Variants in SHC3 observed in about 807,000 individuals in gnomAD.
The protein encoded by SHC3 is SHC-transforming protein 3.
In SHC3, 15 loss-of-function variants were observed where a neutral mutation model predicts 60.4. That is an observed-to-expected ratio of 0.25 (90% CI 0.17 to 0.38). The LOEUF (loss-of-function observed/expected upper bound fraction) is 0.38. Among genes scored for constraint, SHC3 ranks in the 10% least tolerant of loss-of-function variants. The pLI is 1.00. For synonymous variants in SHC3, 294 were observed against 325.9 expected (o/e 0.90, Z 1.05); for missense variants, 677 against 786.1 (o/e 0.86, Z 1.66).
chr9:89,071,824 A>G (rs1253404024), intron 4 of SHC3, among the ~76,000 whole-genome samples: 1 of 152,324 alleles, frequency 6.6e-6, no homozygotes, highest in East Asian at 1.9e-4. Flanking sequence ...AGCCTTCTTA[A>G]CAGACACCGT....
chr9:89,106,814 G>C (rs1825866641), intron 2 of SHC3, among the ~76,000 whole-genome samples: 1 of 152,146 alleles, frequency 6.6e-6, no homozygotes, highest in South Asian at 2.1e-4. Flanking sequence ...CTTCACCACA[G>C]CTGGATCAGA....
At chr9:89,049,090 T>A (rs182862644) in intron 7 of SHC3, among the ~76,000 whole-genome samples, 1 of 152,048 alleles carries the variant, frequency 6.6e-6, no homozygotes, top group African/African-American at 2.4e-5. Flanking sequence ...TGAAATCCCA[T>A]CTCTACTAAA....
chr9:89,173,157 C>T (rs779375979), intron 1 of SHC3, among the ~76,000 whole-genome samples: 1 of 152,366 alleles, frequency 6.6e-6, no homozygotes, highest in East Asian at 1.9e-4. Context: ...ACTGCTCTAG[C>T]CCCACACTAA....
At chr9:89,108,694 C>T (rs756758283) in intron 2 of SHC3, among the ~76,000 whole-genome samples, 1 of 152,124 alleles carries the variant, frequency 6.6e-6, no homozygotes, top group Non-Finnish European at 1.5e-5. Flanking sequence ...GATTTCTTTA[C>T]CCTGCACCAG....
chr9:89,138,826 G>T (rs1826354364), intron 1 of SHC3, among the ~76,000 whole-genome samples: 1 of 150,556 alleles, frequency 6.6e-6, no homozygotes, highest in Non-Finnish European at 1.5e-5. Context: ...TGCCTATTAG[G>T]GTCTCTTATA....
chr9:89,046,965 T>A lies in SHC3; in HGVS notation c.992A>T (p.Glu331Val). 3.7e-6 allele frequency: 6 copies of A among 1,609,032 alleles called. No homozygotes were observed. The South Asian group carries it at 6.7e-5, about 18-fold the overall frequency. ...RMQSLDEPWT[E>V]EEGDGSDHPY... Reference sequence around the variant, plus strand: ...GTGGTCTGAGCCATCTCCCTCCTCTTCCGTCCATGGCTCATCCAGACTCTG... The same window carrying A: ...GTGGTCTGAGCCATCTCCCTCCTCTACCGTCCATGGCTCATCCAGACTCTG... The change falls in exon 8 of 12, where the codon GAA becomes GTA. Residue 331 changes from glutamate (E) to valine (V), a missense_variant. By Grantham distance (121) the Glu-to-Val change is moderately radical. Coordinates refer to ENST00000375835, the MANE Select transcript of SHC3 (RefSeq NM_016848.6).
chr9:89,060,094 G>A (rs1296118708), intron 6 of SHC3, among the ~76,000 whole-genome samples: 1 of 148,494 alleles, frequency 6.7e-6, no homozygotes, highest in Non-Finnish European at 1.5e-5. Flanking sequence ...GGTGTTAGGA[G>A]GTGGTGGAGG....
At chr9:89,059,471 G>T (rs1825029156) in intron 6 of SHC3, among the ~76,000 whole-genome samples, 1 of 149,416 alleles carries the variant, frequency 6.7e-6, no homozygotes, top group East Asian at 2.0e-4. Context: ...GGAGGACATG[G>T]TGGGGGGCGG....
At chr9:89,040,068 A>G (rs997614618) in intron 10 of SHC3, among the ~76,000 whole-genome samples, 6 of 147,172 alleles carry the variant, frequency 4.1e-5, no homozygotes, top group Non-Finnish European at 7.5e-5. Context: ...CATCACCACC[A>G]CCACCTTTGC....
chr9:89,127,174 G>C (rs891178309), intron 1 of SHC3, among the ~76,000 whole-genome samples: 2 of 152,142 alleles, frequency 1.3e-5, no homozygotes, highest in African/African-American at 4.8e-5. Context: ...TAAGAAATGA[G>C]TCCTTTCTGG....
intron 1 of SHC3, among the ~76,000 whole-genome samples, chr9:89,148,727 CA>C (rs1361370060): frequency 3.3e-5 from 5 of 152,118 alleles, no homozygotes; most frequent in Non-Finnish European, 5.9e-5. Flanking sequence ...ACAATTACAC[CA>C]TTCAACATTG....
At position 89,013,569 on chromosome 9, in the gene SHC3, T is replaced by C. The variant is rs1272791201; in HGVS notation, c.1663A>G (p.Thr555Ala). Residue 555 changes from threonine (T) to alanine (A), a missense_variant, in exon 12 of 12, where the codon ACA becomes GCA. Physicochemically the swap from Thr to Ala is moderately conservative, Grantham distance 58. Transcript: ENST00000375835. ...LLVDPEGTIR[T>A]KDRVFDSISH... The stretch of plus-strand genomic sequence containing the variant: ...ATACTGTCAAAGACTCTGTCCTTTG[T>C]CCGGATCTATGAATGAAGCAAAGGA... 1.9e-6 allele frequency: 3 copies of C among 1,611,230 alleles called. No homozygotes were observed. The East Asian group carries it at 6.7e-5, about 36-fold the overall frequency.
At chr9:89,058,037 T>A (rs1170423998) in intron 6 of SHC3, among the ~76,000 whole-genome samples, 1 of 151,768 alleles carries the variant, frequency 6.6e-6, no homozygotes, top group African/African-American at 2.4e-5. Context: ...CTGGAAGGAG[T>A]CTCCCCTAGA....
intron 2 of SHC3, among the ~76,000 whole-genome samples, chr9:89,092,739 G>GGTGTGTGT (rs150979999): frequency 8.0e-5 from 12 of 149,190 alleles, no homozygotes; most frequent in Middle Eastern, 3.5e-3. Flanking sequence ...AAAGAAGGAA[G>GGTGTGTGT]GTGTGTGTGT....
chr9:89,143,546 A>T lies in SHC3; in HGVS notation c.475-30920T>A, dbSNP rs115100686. Among the ~76,000 whole-genome samples, 548 of 152,258 alleles carry T rather than the reference A, an allele frequency of 3.6e-3. 3 individuals are homozygous for T. The highest frequency in any genetic ancestry group is 0.012 in the African/African-American group (516 of 41,552). On this transcript the variant is annotated intron_variant, in intron 1 of 11. Coordinates refer to ENST00000375835, the MANE Select transcript of SHC3 (RefSeq NM_016848.6). ...AATGCCTCTGACACTTCCACCCAGG[A>T]GTTTCAGAAGGTGAAGGGAGTTGGG... is the stretch of plus-strand genomic sequence containing the variant.
At chr9:89,166,959 C>T (rs912544389) in intron 1 of SHC3, among the ~76,000 whole-genome samples, 1 of 151,936 alleles carries the variant, frequency 6.6e-6, no homozygotes, top group African/African-American at 2.4e-5. Context: ...GTAGACTCTA[C>T]CAGCTGAGCT....
At chr9:89,039,286 T>C (rs1398851798) in intron 10 of SHC3, among the ~76,000 whole-genome samples, 1 of 152,228 alleles carries the variant, frequency 6.6e-6, no homozygotes, top group African/African-American at 2.4e-5. Context: ...CAACAGATGC[T>C]GTAAAATAAG....
rs1825016874 is a variant in SHC3 at position 89,059,176 on chromosome 9, TAGGACATGGTGG to T, written c.835+6341_835+6352del. ...AGGATGGTGGTGGAGGACCGTGGTGTAGGACATGGTGGAGGACAGTGGTGGAGGACGGTGGTG... is the reference window on the plus strand; with the variant it reads ...AGGATGGTGGTGGAGGACCGTGGTGTAGGACAGTGGTGGAGGACGGTGGTG... On this transcript the variant is annotated intron_variant, in intron 6 of 11. Transcript: ENST00000375835. 9.0e-5 allele frequency among the ~76,000 whole-genome samples: 4 copies of T among 44,420 alleles called. No individual in the cohort carries two copies. In the South Asian group the frequency reaches 2.8e-3, roughly 31 times the overall value. The allele number at this position is 44,420 out of a possible 152,430, so 29.1% of individuals were successfully genotyped here. A position where few individuals can be genotyped will look rare whatever the true frequency, so the allele number is the denominator to read the frequency against.
intron 1 of SHC3, among the ~76,000 whole-genome samples, chr9:89,170,004 G>T (rs1826846821): frequency 6.6e-6 from 1 of 152,100 alleles, no homozygotes; most frequent in African/African-American, 2.4e-5. Context: ...GGATGGGCAG[G>T]ACAAATGGGC....
Sources: gnomAD v4.1 joint callset for allele counts (sites outside exome capture counted in the v4.1 genomes callset) on GRCh38, gnomAD v4.1.1 for gene constraint, MANE v1.5 for transcripts, NCBI Gene and HGNC (gene_info 2026-07-23, HGNC 2026-07-21) for gene names.